PSMD2: variants seen among roughly 807,000 people sequenced by gnomAD.
PSMD2 encodes 26S proteasome non-ATPase regulatory subunit 2.
Under a neutral mutation model 101.5 loss-of-function variants are expected in PSMD2, and 8 were observed. The ratio of observed to expected loss-of-function variants is 0.08; its 90% CI spans 0.05 to 0.14. PSMD2 has a LOEUF of 0.14. PSMD2 is among the 10% of genes least tolerant of loss of function. The pLI is 1.00. For missense variants in PSMD2, 784 were observed against 1,147.4 expected (o/e 0.68, Z 4.58); for synonymous variants, 418 against 433.8 (o/e 0.96, Z 0.45).
intron 8 of PSMD2, 95 bp downstream of exon 8, chr3:184,303,157 G>A: frequency 1.3e-6 from 2 of 1,513,716 alleles, no homozygotes; most frequent in Non-Finnish European, 1.8e-6. Context: ...ATCCTATCGA[G>A]CTCAGAATCC....
intron 17 of PSMD2, 21 bp downstream of exon 17, chr3:184,307,546 G>T: frequency 6.2e-7 from 1 of 1,614,112 alleles, no homozygotes; most frequent in South Asian, 1.1e-5. Flanking sequence ...GGCAGAAGAA[G>T]GTCATAAACA....
At chr3:184,300,659 G>A in intron 3 of PSMD2, 1 of 1,324,330 alleles carries the variant, frequency 7.6e-7, no homozygotes, top group Non-Finnish European at 9.6e-7. Context: ...GGACTTTGGG[G>A]TTTCATTAGC....
chr3:184,308,128 C>T lies in PSMD2; in HGVS notation c.2425+112C>T. 2 of 1,385,036 alleles carry T rather than the reference C, an allele frequency of 1.4e-6. No individual in the cohort carries two copies. The highest frequency in any genetic ancestry group is 1.9e-6 in the Non-Finnish European group (2 of 1,026,442). The allele number at this position is 1,385,036 out of a possible 1,614,324, so 85.8% of individuals were successfully genotyped here. ...GACCCCAGTTTAGCTCTGTATCGCTCTAGGTTTCTGAGACAGGCTTTGGGC... is the reference window on the plus strand; with the variant it reads ...GACCCCAGTTTAGCTCTGTATCGCTTTAGGTTTCTGAGACAGGCTTTGGGC... On this transcript the variant is annotated intron_variant, in intron 19 of 20. Transcript: ENST00000310118. The surrounding 1 kb of genome is among the most constrained non-coding windows in gnomAD (Gnocchi z 6.0).
chr3:184,303,411 A>C lies in PSMD2; in HGVS notation c.1161A>C (p.Gln387His), dbSNP rs1721716897. 6.2e-7 allele frequency: 1 copy of C among 1,614,184 alleles called. No individual in the cohort carries two copies. The highest frequency in any genetic ancestry group is 8.5e-7 in the Non-Finnish European group (1 of 1,180,026). The change falls in exon 9 of 21, where the codon CAA (glutamine) becomes CAC (histidine). Residue 387 changes from glutamine to histidine, a missense_variant. Transcript: ENST00000310118. ...VNGFVNAAFGQDKLLTDDGNK... is the reference protein window; with the variant it reads ...VNGFVNAAFGHDKLLTDDGNK... ...GCTTTGTGAATGCAGCTTTTGGCCA[A>C]GACAAGCTGCTAACAGATGATGGCA...
chr3:184,308,681 T>A lies in PSMD2; in HGVS notation c.2545-27T>A. The stretch of plus-strand genomic sequence containing the variant: ...GGTGGCTTGTCGCTACTTTTCCATC[T>A]CTCTTTTCAATTTTCTTACCCTACA... On this transcript the variant is annotated intron_variant, in intron 20 of 20. Coordinates refer to ENST00000310118, the MANE Select transcript of PSMD2 (RefSeq NM_002808.5). This position sits in a 1 kb window ranked among gnomAD's most constrained non-coding sequence, Gnocchi z 6.0. The A allele has an allele frequency of 6.2e-7, 1 of 1,603,232 alleles. No individual in the cohort carries two copies. The highest frequency in any genetic ancestry group is 1.1e-5 in the South Asian group (1 of 90,632).
rs769580609 is a variant in PSMD2 at position 184,307,672 on chromosome 3, G to A, written c.2262G>A (p.Lys754=). ...GCCAGTTAGCTCAATATCATGCCAA[G>A]GACCCAAACAACCTCTTCATGGTGC... is the stretch of plus-strand genomic sequence containing the variant. ...MLRQLAQYHA[K]DPNNLFMVRL... Residue 754 remains lysine, a synonymous_variant, in exon 18 of 21, where the codon AAG becomes AAA. Coordinates refer to ENST00000310118, the MANE Select transcript of PSMD2 (RefSeq NM_002808.5). The A allele has an allele frequency of 6.2e-7, 1 of 1,614,122 alleles. No individual in the cohort carries two copies. The highest frequency in any genetic ancestry group is 8.5e-7 in the Non-Finnish European group (1 of 1,180,026).
rs1276185943 is a variant in PSMD2 at position 184,305,886 on chromosome 3, C to T, written c.1658C>T (p.Thr553Ile). The stretch of plus-strand genomic sequence containing the variant: ...AAGTCAGAGACTGAGCTCAAGGATA[C>T]TTATGCTCGTTGGCTTCCTCTTGGA... ...MEKSETELKDTYARWLPLGLG... is the reference protein window; with the variant it reads ...MEKSETELKDIYARWLPLGLG... Residue 553 changes from threonine (T) to isoleucine (I), a missense_variant, in exon 13 of 21, where the codon ACT (threonine) becomes ATT (isoleucine). Thr to Ile is a moderately conservative substitution (Grantham distance 89). Coordinates refer to ENST00000310118, the MANE Select transcript of PSMD2 (RefSeq NM_002808.5). 9 of 1,614,078 alleles carry T rather than the reference C, an allele frequency of 5.6e-6. No individual in the cohort carries two copies. Among genetic ancestry groups the T allele is most frequent in the Non-Finnish European group, 7.6e-6 (9 of 1,180,048 alleles).
chr3:184,302,195 T>C, intron 5 of PSMD2, 124 bp downstream of exon 5: 1 of 1,231,024 alleles, frequency 8.1e-7, no homozygotes, highest in Non-Finnish European at 1.1e-6. Context: ...GTTAATCTTT[T>C]GATGTGTGTG....
intron 7 of PSMD2, 30 bp from the exon 8 acceptor site, chr3:184,302,972 A>G (rs1721697742): frequency 6.2e-7 from 1 of 1,613,756 alleles, no homozygotes; most frequent in Non-Finnish European, 8.5e-7. Context: ...GTTCTAGGGA[A>G]GCAATTGTGA....
chr3:184,306,640 G>A lies in PSMD2; in HGVS notation c.1951-111G>A, dbSNP rs1286986253. ...TGTGACTGGGTTCTGTATGTAAGGG[G>A]TAAAGGTGTTCCCCACAGGATGGCT... On this transcript the variant is annotated intron_variant, in intron 15 of 20. Transcript: ENST00000310118. The A allele has an allele frequency of 5.2e-6, 8 of 1,524,086 alleles. No homozygotes were observed. The Admixed American group carries it at 1.5e-4, about 29-fold the overall frequency. 94.4% of individuals were successfully genotyped at this position (1,524,086 alleles called of 1,614,324 possible).
chr3:184,308,947 C>T lies in PSMD2; in HGVS notation c.*57C>T. 1 of 1,538,148 alleles carries T rather than the reference C, an allele frequency of 6.5e-7. No homozygotes were observed. Among genetic ancestry groups the T allele is most frequent in the Non-Finnish European group, 8.9e-7 (1 of 1,129,012 alleles). On this transcript the variant is annotated 3_prime_UTR_variant, in exon 21 of 21. Transcript: ENST00000310118. The surrounding 1 kb of genome is among the most constrained non-coding windows in gnomAD (Gnocchi z 6.0). ...TGTTATCAGCAGGCCATGCATCCTG[C>T]TGCCAAGGGTGGACACGGCTGCAGA... is the stretch of plus-strand genomic sequence containing the variant.
At position 184,306,035 on chromosome 3, in the gene PSMD2, C is replaced by A. The variant is rs1484432548; in HGVS notation, c.1703-19C>A. On this transcript the variant is annotated intron_variant, in intron 13 of 20. Coordinates refer to ENST00000310118, the MANE Select transcript of PSMD2 (RefSeq NM_002808.5). ...GGATGGAGGCAAGTATCCTCTGACC[C>A]CTTGAATCTGTCCTGTAGGGAAGGG... The A allele has an allele frequency of 6.2e-7, 1 of 1,613,940 alleles. No homozygotes were observed. The highest frequency in any genetic ancestry group is 8.5e-7 in the Non-Finnish European group (1 of 1,179,934).
chr3:184,300,646 A>C, intron 3 of PSMD2: 1 of 1,366,770 alleles, frequency 7.3e-7, no homozygotes, highest in Non-Finnish European at 9.4e-7. Context: ...TGTCATGTGT[A>C]TTGGACTTTG....
Position 184,301,502 on chromosome 3 carries a change from C to T in PSMD2, c.358-35C>T, listed in dbSNP as rs1721642175. 8.1e-6 allele frequency: 13 copies of T among 1,611,248 alleles called. No homozygotes were observed. The East Asian group carries it at 2.7e-4, about 33-fold the overall frequency. ...TGCATGCTCCCTTTATGCTGGACTG[C>T]TGGGTTTGACTTCAAAGAACTCTTT... On this transcript the variant is annotated intron_variant, in intron 3 of 20. Transcript: ENST00000310118.
Position 184,299,349 on chromosome 3 carries a change from C to G in PSMD2, c.83C>G (p.Pro28Arg). The G allele has an allele frequency of 7.1e-7, 1 of 1,414,702 alleles. No homozygotes were observed. Among genetic ancestry groups the G allele is most frequent in the South Asian group, 1.4e-5 (1 of 69,512 alleles). 87.6% of individuals were successfully genotyped at this position (1,414,702 alleles called of 1,614,324 possible). The change falls in exon 1 of 21, where the codon CCG becomes CGG. Residue 28 changes from proline to arginine, a missense_variant. By Grantham distance (103) the Pro-to-Arg change is moderately radical. This residue lies in a region of PSMD2 where 196 missense variants were observed against 182.4 expected (regional missense o/e 1.07). Coordinates refer to ENST00000310118, the MANE Select transcript of PSMD2 (RefSeq NM_002808.5). ...AAAPGGTDEK[P>R]SGKERRDAGD... ...GCCCCCGGCGGCACGGACGAGAAGC[C>G]GAGCGGCAAGGAGCGGCGGGATGCC...
chr3:184,302,925 G>A, intron 7 of PSMD2, 77 bp from the exon 8 acceptor site: 1 of 1,609,620 alleles, frequency 6.2e-7, no homozygotes. Flanking sequence ...GATTAGAATT[G>A]CCATTCAGTG....
Position 184,308,295 on chromosome 3 carries a change from G to A in PSMD2, c.2426-154G>A, listed in dbSNP as rs1344592014. Among the ~76,000 whole-genome samples the A allele has an allele frequency of 1.3e-5, 2 of 152,198 alleles. No individual in the cohort carries two copies. The highest frequency in any genetic ancestry group is 2.9e-5 in the Non-Finnish European group (2 of 68,034). ...GCTGTAAGCAAAGTGAGGTGGGGGC[G>A]TCTCTGGTTCGTAGTAGGGTGTATG... On this transcript the variant is annotated intron_variant, in intron 19 of 20. Transcript: ENST00000310118. The surrounding 1 kb of genome is among the most constrained non-coding windows in gnomAD (Gnocchi z 6.0).
intron 16 of PSMD2, 91 bp from the exon 17 acceptor site, chr3:184,307,266 T>C (rs1013531591): frequency 7.0e-7 from 1 of 1,421,620 alleles, no homozygotes; most frequent in African/African-American, 1.4e-5. Flanking sequence ...CTACAGAAGT[T>C]AAGGCCCCCT....
chr3:184,301,174 A>T (rs974926362), intron 3 of PSMD2, among the ~76,000 whole-genome samples: 1 of 143,078 alleles, frequency 7.0e-6, no homozygotes, highest in African/African-American at 2.6e-5. Context: ...ACTAAAAATT[A>T]AAAAAAAAAA....
Sources: gnomAD v4.1 joint callset for allele counts (sites outside exome capture counted in the v4.1 genomes callset) on GRCh38, gnomAD v4.1.1 for gene constraint, gnomAD v4.1.1 regional missense constraint, Gnocchi (gnomAD v3.1) non-coding constraint, MANE v1.5 for transcripts, NCBI Gene and HGNC (gene_info 2026-07-23, HGNC 2026-07-21) for gene names.